ARID2: variants seen among roughly 807,000 people sequenced by gnomAD.
The protein encoded by ARID2 is AT-rich interaction domain 2.
Under a neutral mutation model 184.6 loss-of-function variants are expected in ARID2, and 32 were observed. The ratio of observed to expected loss-of-function variants is 0.17; its 90% CI spans 0.13 to 0.23. The LOEUF is 0.23. Among genes scored for constraint, ARID2 ranks in the 10% least tolerant of loss-of-function variants. The pLI, the probability that ARID2 is intolerant of heterozygous loss-of-function variation, is 1.00. For synonymous variants in ARID2, 836 were observed against 772.6 expected, an observed-to-expected ratio of 1.08 and a Z score of -1.36; for missense variants, 1,696 against 2,197.6, an observed-to-expected ratio of 0.77 and a Z score of 4.56.
intron 3 of ARID2, among the ~76,000 whole-genome samples, chr12:45,757,299 A>G (rs780503947): frequency 7.9e-5 from 12 of 152,182 alleles, no homozygotes; most frequent in Admixed American, 6.5e-4. Context: ...TCAAACTAAT[A>G]TGCTTATAAT....
At chr12:45,791,204 C>CTGTGTG (rs143314237) in intron 3 of ARID2, among the ~76,000 whole-genome samples, 31 of 147,630 alleles carry the variant, frequency 2.1e-4, no homozygotes, top group East Asian at 1.2e-3. Flanking sequence ...AGCACATTTT[C>CTGTGTG]TGTGTGTGTG....
At chr12:45,894,445 A>T (rs1301796166) in intron 20 of ARID2, among the ~76,000 whole-genome samples, 1 of 151,940 alleles carries the variant, frequency 6.6e-6, no homozygotes, top group African/African-American at 2.4e-5. Flanking sequence ...ATGTATTTTG[A>T]ATCCATGTTA....
At chr12:45,832,963 A>G (rs1565613593) in intron 6 of ARID2, among the ~76,000 whole-genome samples, 1 of 152,192 alleles carries the variant, frequency 6.6e-6, no homozygotes, top group Non-Finnish European at 1.5e-5. Context: ...TCCTAGAACC[A>G]GTCCCCACAG....
At chr12:45,867,779 T>G (rs1179815866) in intron 16 of ARID2, among the ~76,000 whole-genome samples, 1 of 150,580 alleles carries the variant, frequency 6.6e-6, no homozygotes, top group African/African-American at 2.4e-5. Flanking sequence ...TCTGTACAGA[T>G]GGGGTCTTAC....
At position 45,905,095 on chromosome 12, in the gene ARID2, C is replaced by A. The variant is rs1944507351; in HGVS notation, c.*17C>A. The A allele has an allele frequency of 6.2e-7, 1 of 1,609,958 alleles. No homozygotes were observed. The highest frequency in any genetic ancestry group is 8.5e-7 in the Non-Finnish European group (1 of 1,177,976). ...CTGCAGTGAAAAATAATTCCACTTA[C>A]ACAGTGGGGGACTCAAAGTCAGCCA... On this transcript the variant is annotated 3_prime_UTR_variant, in exon 21 of 21. Transcript: ENST00000334344.
rs563644015 is a variant in ARID2, at chr12:45,829,253, A to G, written c.706-7336A>G. On this transcript the variant is annotated intron_variant, in intron 6 of 20. Transcript: ENST00000334344. ...TTTTCATTGGTTTATTTGCCCCGTT[A>G]GGGCTTGAAAGTACCAGATTTTTAG... is the stretch of plus-strand genomic sequence containing the variant. 8.5e-5 allele frequency among the ~76,000 whole-genome samples: 13 copies of G among 152,196 alleles called. No homozygotes were observed. In the East Asian group the frequency reaches 2.5e-3, roughly 29 times the overall value.
At chr12:45,900,017 T>C (rs1400357753) in intron 20 of ARID2, among the ~76,000 whole-genome samples, 2 of 152,006 alleles carry the variant, frequency 1.3e-5, no homozygotes. Context: ...GTTGGATTGT[T>C]TGATGTTGAG....
intron 3 of ARID2, among the ~76,000 whole-genome samples, chr12:45,765,559 T>G (rs1230270624): frequency 6.6e-6 from 1 of 152,070 alleles, no homozygotes; most frequent in Non-Finnish European, 1.5e-5. Flanking sequence ...TTCAAAATAT[T>G]CTGGGTAGAA....
intron 6 of ARID2, among the ~76,000 whole-genome samples, chr12:45,823,073 A>G (rs1200087395): frequency 6.6e-6 from 1 of 151,978 alleles, no homozygotes; most frequent in African/African-American, 2.4e-5. Flanking sequence ...CGTATGCCAC[A>G]ATACAATCTC....
chr12:45,899,785 C>A (rs536234777), intron 20 of ARID2, among the ~76,000 whole-genome samples: 19 of 130,452 alleles, frequency 1.5e-4, no homozygotes, highest in Admixed American at 4.7e-4. Context: ...TTTACCCCCC[C>A]CTCCCACCTC....
chr12:45,842,390 A>G (rs1045079772), intron 11 of ARID2, among the ~76,000 whole-genome samples: 3 of 151,792 alleles, frequency 2.0e-5, no homozygotes, highest in African/African-American at 7.3e-5. Context: ...ACACACATAC[A>G]TATATTTTAT....
At chr12:45,876,418 C>T (rs968880762) in intron 16 of ARID2, among the ~76,000 whole-genome samples, 14 of 152,028 alleles carry the variant, frequency 9.2e-5, no homozygotes, top group African/African-American at 2.4e-4. Context: ...GATGTGGTGG[C>T]ACATGCCTGT....
At chr12:45,813,146 A>G (rs1311226287) in intron 4 of ARID2, among the ~76,000 whole-genome samples, 2 of 152,160 alleles carry the variant, frequency 1.3e-5, no homozygotes, top group African/African-American at 4.8e-5. Flanking sequence ...TTTTAAGAGA[A>G]TCTGAACAGT....
At chr12:45,734,556 A>G (rs1198078356) in intron 3 of ARID2, among the ~76,000 whole-genome samples, 1 of 151,320 alleles carries the variant, frequency 6.6e-6, no homozygotes, top group Admixed American at 6.6e-5. Flanking sequence ...CATTTTGTAG[A>G]TGGAGATATT....
Position 45,851,118 on chromosome 12 carries a change from C to T in ARID2, c.2995C>T (p.Pro999Ser), listed in dbSNP as rs2138168021. Residue 999 changes from proline (P) to serine (S), a missense_variant, in exon 15 of 21, where the codon CCA becomes TCA. Physicochemically the swap from Pro to Ser is moderately conservative, Grantham distance 74 (BLOSUM62 -1). Coordinates refer to ENST00000334344, the MANE Select transcript of ARID2 (RefSeq NM_152641.4). Reference sequence around the variant, plus strand: ...GTCCTCTACCCCTCAATCACAGGGACCACCTCCTACTGTCAGTCAAATGTT... The same window carrying T: ...GTCCTCTACCCCTCAATCACAGGGATCACCTCCTACTGTCAGTCAAATGTT... The part of the protein sequence containing the change: ...SSSSTPQSQG[P>S]PPTVSQMLSV... 8 of 1,614,092 alleles carry T rather than the reference C, an allele frequency of 5.0e-6. No individual in the cohort carries two copies. The highest frequency in any genetic ancestry group is 6.8e-6 in the Non-Finnish European group (8 of 1,180,024).
intron 16 of ARID2, among the ~76,000 whole-genome samples, chr12:45,872,268 T>G (rs1026201023): frequency 7.9e-5 from 12 of 152,210 alleles, no homozygotes; most frequent in African/African-American, 2.9e-4. Flanking sequence ...TGCTAAAGCC[T>G]TCCCTCTAAG....
At chr12:45,759,209 A>G (rs989702318) in intron 3 of ARID2, among the ~76,000 whole-genome samples, 1 of 152,176 alleles carries the variant, frequency 6.6e-6, no homozygotes, top group Admixed American at 6.5e-5. Flanking sequence ...TGAGTAACTT[A>G]TGGGTGTAAG....
rs1943243537 is a variant in ARID2 at position 45,837,577 on chromosome 12, C to T, written c.1200C>T (p.Tyr400=). The T allele has an allele frequency of 1.2e-6, 2 of 1,614,020 alleles. No individual in the cohort carries two copies. Among genetic ancestry groups the T allele is most frequent in the South Asian group, 2.2e-5 (2 of 91,076 alleles). The change falls in exon 10 of 21, where the codon TAC becomes TAT. Residue 400 remains tyrosine, a synonymous_variant. Coordinates refer to ENST00000334344, the MANE Select transcript of ARID2 (RefSeq NM_152641.4). ...LICEYVDQDS[Y]REIICHLTLP... is the part of the protein sequence containing the mutation. ...GTGAATATGTGGATCAGGATTCCTA[C>T]AGAGAGATCATTTGTCATCTCACTT...
At chr12:45,889,547 T>C (rs759168451) in intron 16 of ARID2, among the ~76,000 whole-genome samples, 20 of 152,188 alleles carry the variant, frequency 1.3e-4, no homozygotes, top group Non-Finnish European at 2.8e-4. Context: ...TCCCAACCCA[T>C]CCAATAAATA....
Sources: gnomAD v4.1 joint callset for allele counts (sites outside exome capture counted in the v4.1 genomes callset) on GRCh38, gnomAD v4.1.1 for gene constraint, MANE v1.5 for transcripts, NCBI Gene and HGNC (gene_info 2026-07-23, HGNC 2026-07-21) for gene names.